Variants in KIAA1217 observed in about 807,000 individuals in gnomAD.
The protein encoded by KIAA1217 is KIAA1217.
In KIAA1217, 88 loss-of-function variants were observed where a neutral mutation model predicts 163.9. That is an observed-to-expected ratio of 0.54 (90% CI 0.45 to 0.64). KIAA1217 has a LOEUF of 0.64. Ranked by LOEUF, KIAA1217 falls within the 30% of genes least tolerant of loss-of-function variation. The probability of loss-of-function intolerance (pLI) is 0.00; values close to 1 mark genes in which losing one functional copy is unlikely to be tolerated. For synonymous variants in KIAA1217, 903 were observed against 923.1 expected (o/e 0.98, Z 0.39); for missense variants, 2,372 against 2,475.0 (o/e 0.96, Z 0.88).
intron 3 of KIAA1217, among the ~76,000 whole-genome samples, chr10:24,398,185 C>T (rs1057191546): frequency 6.6e-6 from 1 of 152,146 alleles, no homozygotes; most frequent in Admixed American, 6.5e-5. Context: ...GTATTCTATA[C>T]TGTATTTTTA....
intron 1 of KIAA1217, among the ~76,000 whole-genome samples, chr10:23,736,313 T>C (rs760434126): frequency 2.6e-5 from 4 of 152,210 alleles, no homozygotes; most frequent in Admixed American, 6.5e-5. Flanking sequence ...ACAGATTTAA[T>C]TTTATTTTTC....
At chr10:24,383,234 A>C (rs7906883) in intron 3 of KIAA1217, among the ~76,000 whole-genome samples, 2 of 152,028 alleles carry the variant, frequency 1.3e-5, no homozygotes, top group Non-Finnish European at 2.9e-5. Flanking sequence ...AAATGAGCTC[A>C]GGTCTCTGTA....
In KIAA1217 at chr10:23,720,206, T is replaced by C. The variant is rs1378124784; in HGVS notation, c.-321+24972T>C. Among the ~76,000 whole-genome samples the C allele has an allele frequency of 8.5e-5, 13 of 152,100 alleles. No individual in the cohort carries two copies. In the East Asian group the frequency reaches 2.1e-3, roughly 25 times the overall value. ...GTGGTTTCCACCTCAATAAATTATT[T>C]TAGAAATAAGTGTTTGCCTCCAGGA... On this transcript the variant is annotated intron_variant, in intron 1 of 18. Coordinates refer to the KIAA1217 transcript ENST00000376462.
intron 1 of KIAA1217, among the ~76,000 whole-genome samples, chr10:23,785,946 A>G (rs1220699260): frequency 1.3e-5 from 2 of 152,192 alleles, no homozygotes; most frequent in Non-Finnish European, 2.9e-5. Flanking sequence ...AAGAAAAAGG[A>G]GGAGACCAAT....
At chr10:24,326,417 G>A (rs1297077085) in intron 2 of KIAA1217, among the ~76,000 whole-genome samples, 1 of 152,024 alleles carries the variant, frequency 6.6e-6, no homozygotes, top group African/African-American at 2.4e-5. Context: ...AAATACTTTG[G>A]TTTAGCTCAT....
intron 1 of KIAA1217, among the ~76,000 whole-genome samples, chr10:23,811,879 T>C (rs1344753985): frequency 2.0e-5 from 3 of 152,066 alleles, no homozygotes; most frequent in Non-Finnish European, 4.4e-5. Flanking sequence ...AGAAGAGGTG[T>C]GCATTTGGTA....
intron 1 of KIAA1217, among the ~76,000 whole-genome samples, chr10:23,762,466 C>T (rs1012111298): frequency 6.6e-6 from 1 of 151,992 alleles, no homozygotes; most frequent in African/African-American, 2.4e-5. Context: ...TTCAACATAC[C>T]CAAATCAATA....
At chr10:23,965,309 T>TCATAACCAA (rs1845014421) in intron 1 of KIAA1217, among the ~76,000 whole-genome samples, 1 of 152,266 alleles carries the variant, frequency 6.6e-6, no homozygotes, top group Non-Finnish European at 1.5e-5. Flanking sequence ...TCCCAAGGGC[T>TCATAACCAA]CATAACCAAC....
intron 1 of KIAA1217, among the ~76,000 whole-genome samples, chr10:24,001,254 T>C (rs543392485): frequency 6.6e-6 from 1 of 152,360 alleles, no homozygotes; most frequent in Non-Finnish European, 1.5e-5. Flanking sequence ...TTCATACATC[T>C]GCCATGCTTC....
chr10:23,727,782 G>T (rs1400144022), intron 1 of KIAA1217, among the ~76,000 whole-genome samples: 1 of 152,028 alleles, frequency 6.6e-6, no homozygotes, highest in African/African-American at 2.4e-5. Flanking sequence ...TTCTCCTGAT[G>T]CTATCCCTCC....
intron 1 of KIAA1217, among the ~76,000 whole-genome samples, chr10:23,765,334 C>T (rs1205846220): frequency 6.6e-6 from 1 of 151,510 alleles, no homozygotes; most frequent in African/African-American, 2.4e-5. Context: ...GACTACAGCC[C>T]GGCTAACTTT....
upstream of KIAA1217, among the ~76,000 whole-genome samples, chr10:24,204,859 T>C (rs1003962853): frequency 2.0e-5 from 3 of 152,200 alleles, no homozygotes; most frequent in Non-Finnish European, 2.9e-5. Context: ...CCTCATACCA[T>C]AGCAGCCTGT....
chr10:24,212,422 AG>A (rs2068256697), intron 1 of KIAA1217, among the ~76,000 whole-genome samples: 1 of 152,238 alleles, frequency 6.6e-6, no homozygotes, highest in Non-Finnish European at 1.5e-5. Context: ...CTAGAGCTGA[AG>A]GAAGACTGAG....
intron 9 of KIAA1217, among the ~76,000 whole-genome samples, chr10:24,509,593 A>G (rs2068826124): frequency 6.6e-6 from 1 of 152,182 alleles, no homozygotes; most frequent in Non-Finnish European, 1.5e-5. Context: ...TTGCCCCTTG[A>G]ACAACATGGG....
chr10:23,970,597 T>C (rs1178038941), intron 1 of KIAA1217, among the ~76,000 whole-genome samples: 2 of 152,222 alleles, frequency 1.3e-5, no homozygotes, highest in Non-Finnish European at 2.9e-5. Flanking sequence ...TTAATAATAA[T>C]GTATTGTCTA....
intron 3 of KIAA1217, among the ~76,000 whole-genome samples, chr10:24,401,370 A>G (rs1430176057): frequency 1.3e-5 from 2 of 152,182 alleles, no homozygotes; most frequent in African/African-American, 4.8e-5. Flanking sequence ...AGATTCATCA[A>G]GGTGTAAAAG....
rs147479323 is a variant in KIAA1217 at position 23,875,315 on chromosome 10, G to A, written c.-320-131910G>A. On this transcript the variant is annotated intron_variant, in intron 1 of 18. Transcript: ENST00000376462. ...CAAGGGACCAGGACTCTGATAGGAG[G>A]CAGGTAACTAATAACAGAAAAGATA... Among the ~76,000 whole-genome samples the A allele has an allele frequency of 7.3e-3, 1,115 of 152,148 alleles. 19 individuals carry two copies. Among genetic ancestry groups the A allele is most frequent in the African/African-American group, 0.026 (1,073 of 41,540 alleles).
At chr10:23,715,215 G>A (rs1051216010) in intron 1 of KIAA1217, among the ~76,000 whole-genome samples, 2 of 152,172 alleles carry the variant, frequency 1.3e-5, no homozygotes, top group South Asian at 2.1e-4. Context: ...GGCTGCCATA[G>A]CTCTGTGTAT....
chr10:24,309,059 G>T (rs1174123491), intron 2 of KIAA1217, among the ~76,000 whole-genome samples: 2 of 148,746 alleles, frequency 1.3e-5, no homozygotes, highest in Non-Finnish European at 1.5e-5. Flanking sequence ...GGAGGCGGAG[G>T]TTGCAGTGAG....
Sources: allele counts gnomAD v4.1 joint callset (sites outside exome capture counted in the v4.1 genomes callset), GRCh38; gene constraint gnomAD v4.1.1; transcripts MANE v1.5; gene names NCBI Gene and HGNC (gene_info 2026-07-23, HGNC 2026-07-21).